The following SLX4IP variants were observed in gnomAD, a reference collection of about 807,000 sequenced individuals.
SLX4IP encodes the protein protein SLX4IP.
SLX4IP carries 34 observed loss-of-function variants against 32.9 expected under a neutral mutation model. The ratio of observed to expected loss-of-function variants is 1.03; its 90% CI spans 0.79 to 1.38. The LOEUF (loss-of-function observed/expected upper bound fraction) is 1.38, where lower values mean the gene tolerates loss of function less well. Among genes scored for constraint, SLX4IP ranks in the 40% most tolerant of loss-of-function variants. The pLI, the probability that SLX4IP is intolerant of heterozygous loss-of-function variation, is 0.00. For synonymous variants in SLX4IP, 172 were observed against 171.7 expected, an observed-to-expected ratio of 1.00 and a Z score of -0.01; for missense variants, 444 against 479.0, an observed-to-expected ratio of 0.93 and a Z score of 0.68.
At chr20:10,483,622 T>G (rs1006468939) in intron 2 of SLX4IP, among the ~76,000 whole-genome samples, 3 of 149,120 alleles carry the variant, frequency 2.0e-5, no homozygotes, top group African/African-American at 7.4e-5. Context: ...AAATGTTTAA[T>G]TACATATTAA....
In SLX4IP at chr20:10,602,252, T is replaced by C. The variant is rs1012458741; in HGVS notation, c.405+433T>C. ...TGAGAACCAGTACTTTTCCCCAGTG[T>C]ATTATTTCATAGCTGATAGGGTTCA... On this transcript the variant is annotated intron_variant, in intron 6 of 7. Coordinates refer to ENST00000334534, the MANE Select transcript of SLX4IP (RefSeq NM_001009608.3). Among the ~76,000 whole-genome samples the C allele has an allele frequency of 2.6e-5, 4 of 152,188 alleles. No individual in the cohort carries two copies. In the East Asian group the frequency reaches 5.8e-4, roughly 22 times the overall value.
At chr20:10,550,766 A>G (rs887804045) in intron 2 of SLX4IP, among the ~76,000 whole-genome samples, 23 of 152,250 alleles carry the variant, frequency 1.5e-4, no homozygotes, top group African/African-American at 5.1e-4. Flanking sequence ...CTTTCTCTGC[A>G]TGGGGCGTTA....
chr20:10,604,289 C>T (rs912613844), intron 6 of SLX4IP, among the ~76,000 whole-genome samples: 2 of 152,234 alleles, frequency 1.3e-5, no homozygotes, highest in African/African-American at 2.4e-5. Flanking sequence ...TGACTTAACT[C>T]ACTCTTCTGC....
chr20:10,595,116 G>C (rs1390677890), intron 4 of SLX4IP, among the ~76,000 whole-genome samples: 1 of 152,058 alleles, frequency 6.6e-6, no homozygotes. Context: ...CAGGGGAGAA[G>C]ATGGGATCTT....
intron 1 of SLX4IP, among the ~76,000 whole-genome samples, chr20:10,443,481 A>G (rs1169833341): frequency 6.6e-6 from 1 of 152,188 alleles, no homozygotes; most frequent in Non-Finnish European, 1.5e-5. Flanking sequence ...GCTCCAAGAA[A>G]CAGGTGGCAT....
intron 2 of SLX4IP, among the ~76,000 whole-genome samples, chr20:10,484,152 C>T (rs968888185): frequency 6.6e-6 from 1 of 152,014 alleles, no homozygotes; most frequent in Admixed American, 6.6e-5. Context: ...GCTTTTCTCT[C>T]GTTAATTTGT....
At chr20:10,552,150 G>C (rs1408070615) in intron 2 of SLX4IP, among the ~76,000 whole-genome samples, 6 of 152,196 alleles carry the variant, frequency 3.9e-5, no homozygotes, top group Non-Finnish European at 5.9e-5. Flanking sequence ...CCAGACCCTG[G>C]CTGGGGGACT....
At chr20:10,528,792 T>C (rs2065960846) in intron 2 of SLX4IP, among the ~76,000 whole-genome samples, 1 of 152,224 alleles carries the variant, frequency 6.6e-6, no homozygotes, top group South Asian at 2.1e-4. Flanking sequence ...CCACTGGTCA[T>C]ATTTCCCTGG....
At chr20:10,468,399 G>A (rs1399538379) in intron 2 of SLX4IP, among the ~76,000 whole-genome samples, 2 of 152,108 alleles carry the variant, frequency 1.3e-5, no homozygotes, top group Non-Finnish European at 2.9e-5. Context: ...TTACTTCCTT[G>A]CTTAGGTGAT....
chr20:10,589,354 G>A (rs1600134379), intron 4 of SLX4IP, among the ~76,000 whole-genome samples: 1 of 152,154 alleles, frequency 6.6e-6, no homozygotes, highest in Non-Finnish European at 1.5e-5. Flanking sequence ...AACCCTGAAA[G>A]GGCTTTTCAT....
At chr20:10,556,894 C>CGG (rs953394411) in intron 3 of SLX4IP, among the ~76,000 whole-genome samples, 3 of 152,214 alleles carry the variant, frequency 2.0e-5, no homozygotes, top group African/African-American at 7.2e-5. Context: ...TCAGCCTCCT[C>CGG]ATCTGAAAGT....
intron 2 of SLX4IP, among the ~76,000 whole-genome samples, chr20:10,473,328 G>T (rs2065442299): frequency 6.6e-6 from 1 of 152,172 alleles, no homozygotes; most frequent in Non-Finnish European, 1.5e-5. Context: ...TAAAGCACTG[G>T]TTCTCAGTGT....
intron 4 of SLX4IP, among the ~76,000 whole-genome samples, chr20:10,583,539 A>T (rs956599335): frequency 6.6e-6 from 1 of 152,178 alleles, no homozygotes; most frequent in Non-Finnish European, 1.5e-5. Flanking sequence ...GGCTGGCTGC[A>T]TCCGGATGGT....
chr20:10,489,309 G>A (rs2122393766), intron 2 of SLX4IP, among the ~76,000 whole-genome samples: 1 of 152,098 alleles, frequency 6.6e-6, no homozygotes, highest in East Asian at 1.9e-4. Flanking sequence ...AAGCAGTGAG[G>A]AAACCACCAC....
intron 2 of SLX4IP, among the ~76,000 whole-genome samples, chr20:10,546,555 G>GCAGCCAATATTTCTTCCTTGAGCC (rs375526951): frequency 1.1e-3 from 167 of 152,272 alleles, no homozygotes; most frequent in African/African-American, 3.9e-3. Context: ...AAAGAGAAAA[G>GCAGCCAATATTTCTTCCTTGAGCC]CAGCCAATAT....
chr20:10,435,654 G>A (rs1283482644), intron 1 of SLX4IP, among the ~76,000 whole-genome samples: 1 of 152,172 alleles, frequency 6.6e-6, no homozygotes, highest in African/African-American at 2.4e-5. Flanking sequence ...GGGCATTACG[G>A]TGGAGATATT....
chr20:10,551,871 GC>G (rs1441951048), intron 2 of SLX4IP, among the ~76,000 whole-genome samples: 1 of 152,196 alleles, frequency 6.6e-6, no homozygotes, highest in Admixed American at 6.5e-5. Flanking sequence ...CTGAGCTGCA[GC>G]AGGAGTGGAC....
At chr20:10,539,919 G>A (rs1372861462) in intron 2 of SLX4IP, among the ~76,000 whole-genome samples, 1 of 152,168 alleles carries the variant, frequency 6.6e-6, no homozygotes, top group Non-Finnish European at 1.5e-5. Context: ...ACTCTTCTAG[G>A]CCAGTGAATC....
chr20:10,501,356 A>C (rs752875390), intron 2 of SLX4IP, among the ~76,000 whole-genome samples: 1 of 152,124 alleles, frequency 6.6e-6, no homozygotes, highest in Non-Finnish European at 1.5e-5. Context: ...CCCACAGTCT[A>C]TCCTTTCAAA....
Sources: allele counts gnomAD v4.1 joint callset (sites outside exome capture counted in the v4.1 genomes callset), GRCh38; gene constraint gnomAD v4.1.1; transcripts MANE v1.5; gene names NCBI Gene and HGNC (gene_info 2026-07-23, HGNC 2026-07-21).